Variants in SNAP91 observed in about 807,000 individuals in gnomAD.
The protein encoded by SNAP91 is synaptosome associated protein 91, also known as clathrin coat assembly protein AP180.
In SNAP91, 27 loss-of-function variants were observed where a neutral mutation model predicts 100.3. That is an observed-to-expected ratio of 0.27 (90% CI 0.20 to 0.37). SNAP91 has a LOEUF of 0.37. Among genes scored for constraint, SNAP91 ranks in the 10% least tolerant of loss-of-function variants. The pLI is 1.00. For synonymous variants in SNAP91, 404 were observed against 398.6 expected (o/e 1.01, Z -0.16); for missense variants, 986 against 1,123.7 (o/e 0.88, Z 1.75).
At chr6:83,578,867 GC>G (rs1335497655) in intron 24 of SNAP91, among the ~76,000 whole-genome samples, 3 of 152,020 alleles carry the variant, frequency 2.0e-5, no homozygotes, top group African/African-American at 7.2e-5. Context: ...CGTAGATTTA[GC>G]TCTTACATTT....
chr6:83,592,072 A>G (rs1428391462), intron 21 of SNAP91, among the ~76,000 whole-genome samples: 2 of 152,220 alleles, frequency 1.3e-5, no homozygotes, highest in Non-Finnish European at 2.9e-5. Flanking sequence ...TTTCTAAATT[A>G]TCTATTAATA....
intron 24 of SNAP91, 136 bp from the exon 25 acceptor site, chr6:83,576,189 A>G (rs992456387): frequency 1.8e-5 from 9 of 493,648 alleles, no homozygotes; most frequent in Non-Finnish European, 3.2e-5. Context: ...TCAGTTATAC[A>G]GAAAAGAAAC....
At chr6:83,690,900 T>C (rs914318528) in intron 2 of SNAP91, among the ~76,000 whole-genome samples, 24 of 152,106 alleles carry the variant, frequency 1.6e-4, no homozygotes, top group Admixed American at 1.4e-3. Flanking sequence ...CAAAATTTGG[T>C]ATACATAATC....
At chr6:83,571,522 A>G (rs1177260182) in intron 26 of SNAP91, among the ~76,000 whole-genome samples, 1 of 152,192 alleles carries the variant, frequency 6.6e-6, no homozygotes, top group Admixed American at 6.5e-5. Context: ...TGGGGCCTAC[A>G]GCCCCTTTGT....
At chr6:83,576,107 A>G in intron 24 of SNAP91, 54 bp from the exon 25 acceptor site, 1 of 911,288 alleles carries the variant, frequency 1.1e-6, no homozygotes, top group Non-Finnish European at 1.6e-6. Context: ...AGTTTATATG[A>G]TATGACATTT....
chr6:83,590,385 G>A (rs540308876), intron 22 of SNAP91, among the ~76,000 whole-genome samples: 1 of 152,090 alleles, frequency 6.6e-6, no homozygotes, highest in East Asian at 1.9e-4. Context: ...CCAATACTTG[G>A]CTTTTACTAT....
chr6:83,607,095 G>T (rs1343372935), intron 13 of SNAP91, among the ~76,000 whole-genome samples: 1 of 152,144 alleles, frequency 6.6e-6, no homozygotes, highest in African/African-American at 2.4e-5. Context: ...TAAGGCAAAT[G>T]AACTAAGGAA....
chr6:83,614,973 T>C, intron 10 of SNAP91, 111 bp from the exon 11 acceptor site: 4 of 814,454 alleles, frequency 4.9e-6, no homozygotes, highest in South Asian at 1.8e-5. Context: ...AATGTGGTTT[T>C]AGCCAATTCA....
chr6:83,693,970 C>T (rs1359599873), intron 2 of SNAP91, among the ~76,000 whole-genome samples: 1 of 152,182 alleles, frequency 6.6e-6, no homozygotes, highest in Non-Finnish European at 1.5e-5. Context: ...TATATGGATG[C>T]ATTTTGAGGC....
intron 28 of SNAP91, among the ~76,000 whole-genome samples, chr6:83,559,351 G>C (rs926654240): frequency 6.6e-6 from 1 of 152,136 alleles, no homozygotes; most frequent in Admixed American, 6.5e-5. Context: ...GTGAGCTTGC[G>C]ATACTGCATG....
intron 7 of SNAP91, among the ~76,000 whole-genome samples, chr6:83,652,554 T>C (rs2098252712): frequency 6.6e-6 from 1 of 152,140 alleles, no homozygotes; most frequent in Non-Finnish European, 1.5e-5. Flanking sequence ...TATATAAGCA[T>C]ATAGGTATAT....
intron 16 of SNAP91, among the ~76,000 whole-genome samples, chr6:83,599,548 G>A (rs1464526237): frequency 6.6e-6 from 1 of 152,132 alleles, no homozygotes; most frequent in Non-Finnish European, 1.5e-5. Flanking sequence ...GGACTTTAGA[G>A]ATCTTCTAGA....
rs1180877614 is a variant in SNAP91 at position 83,593,461 on chromosome 6, C to T, written c.1696+17G>A. On this transcript the variant is annotated intron_variant, in intron 18 of 29. Coordinates refer to ENST00000369694, the MANE Select transcript of SNAP91 (RefSeq NM_001242792.2). The stretch of plus-strand genomic sequence containing the variant: ...CCACTAGACGGAAAGAGGTCGACAA[C>T]AATAACAAAAAATTACCACCAAAGA... 1.3e-6 allele frequency: 2 copies of T among 1,548,372 alleles called. No homozygotes were observed. Among genetic ancestry groups the T allele is most frequent in the East Asian group, 2.4e-5 (1 of 40,856 alleles).
chr6:83,589,433 T>C (rs3757008), intron 22 of SNAP91, among the ~76,000 whole-genome samples: 5,456 of 152,260 alleles, frequency 0.036, 383 homozygotes, highest in East Asian at 0.19. Context: ...TATTTTTCTA[T>C]AACAAAACAG....
chr6:83,601,443 A>G lies in SNAP91; in HGVS notation c.1157-5T>C. 1 of 1,613,636 alleles carries G rather than the reference A, an allele frequency of 6.2e-7. No homozygotes were observed. The highest frequency in any genetic ancestry group is 1.3e-5 in the African/African-American group (1 of 75,034). ...AGGAAAGTGCAGCCAAAGAATCTAT[A>G]TTTCACCAGAGACAGAGAGCAAACG... is the stretch of plus-strand genomic sequence containing the variant. On this transcript the variant is annotated splice_polypyrimidine_tract_variant and splice_region_variant and intron_variant, in intron 15 of 29. Transcript: ENST00000369694.
At chr6:83,564,241 C>A (rs1237514032) in intron 26 of SNAP91, among the ~76,000 whole-genome samples, 2 of 151,896 alleles carry the variant, frequency 1.3e-5, no homozygotes, top group African/African-American at 4.8e-5. Flanking sequence ...AATTATCCAG[C>A]CCAATATGTC....
chr6:83,617,149 T>C (rs2096531092), intron 9 of SNAP91, 110 bp from the exon 10 acceptor site: 2 of 563,900 alleles, frequency 3.5e-6, no homozygotes, highest in South Asian at 5.9e-5. Flanking sequence ...CCCCGATATA[T>C]ATGTGAGATA....
Position 83,580,534 on chromosome 6 carries a change from A to G in SNAP91, c.2215T>C (p.Ser739Pro). The change falls in exon 24 of 30, where the codon TCA becomes CCA. Residue 739 changes from serine (S) to proline (P), a missense_variant. Coordinates refer to ENST00000369694, the MANE Select transcript of SNAP91 (RefSeq NM_001242792.2). Reference sequence around the variant, plus strand: ...ATTGCAGGACTGGGTGGTACCATTGAGACAGGTGCAGGCTGCCCAGCTGGT... The same window carrying G: ...ATTGCAGGACTGGGTGGTACCATTGGGACAGGTGCAGGCTGCCCAGCTGGT... ...MAPAGQPAPV[S>P]MVPPSPAMAA... 1 of 1,613,868 alleles carries G rather than the reference A, an allele frequency of 6.2e-7. No homozygotes were observed. Among genetic ancestry groups the G allele is most frequent in the Non-Finnish European group, 8.5e-7 (1 of 1,179,830 alleles).
chr6:83,684,661 G>A (rs1292729899), intron 2 of SNAP91, among the ~76,000 whole-genome samples: 2 of 152,150 alleles, frequency 1.3e-5, no homozygotes, highest in African/African-American at 4.8e-5. Flanking sequence ...CAAAATTCCT[G>A]AAATATAGTG....
Sources: gnomAD v4.1 joint callset for allele counts (sites outside exome capture counted in the v4.1 genomes callset) on GRCh38, gnomAD v4.1.1 for gene constraint, MANE v1.5 for transcripts, NCBI Gene and HGNC (gene_info 2026-07-23, HGNC 2026-07-21) for gene names.